Variants in RPL17 observed in about 807,000 individuals in gnomAD.
The protein encoded by RPL17 is large ribosomal subunit protein uL22.
RPL17 carries 2 observed loss-of-function variants against 27.7 expected under a neutral mutation model. The observed-to-expected ratio is 0.07, with a 90% CI of 0.03 to 0.23. The LOEUF (loss-of-function observed/expected upper bound fraction) is 0.23. RPL17 is among the 10% of genes least tolerant of loss of function. The probability of loss-of-function intolerance (pLI) is 1.00; values close to 1 mark genes in which losing one functional copy is unlikely to be tolerated. For synonymous variants in RPL17, 76 were observed against 75.5 expected (o/e 1.01, Z -0.03); for missense variants, 141 against 238.8 (o/e 0.59, Z 2.70).
At chr18:49,488,924 C>T (rs902032960) in intron 6 of RPL17, among the ~76,000 whole-genome samples, 4 of 149,412 alleles carry the variant, frequency 2.7e-5, no homozygotes, top group African/African-American at 2.5e-5. Context: ...TTTGAGACAG[C>T]GTCTCGCTCT....
At chr18:49,491,608 C>A (rs964317866) in intron 1 of RPL17, 24 bp from the exon 2 acceptor site, 19 of 1,613,056 alleles carry the variant, frequency 1.2e-5, no homozygotes, top group Non-Finnish European at 1.6e-5. Flanking sequence ...CAGTGTAATT[C>A]TGTCAATACG....
chr18:49,489,292 G>T, intron 6 of RPL17, 67 bp downstream of exon 6: 1 of 1,546,750 alleles, frequency 6.5e-7, no homozygotes, highest in South Asian at 1.1e-5. Flanking sequence ...GGTGTCCTAA[G>T]ATAGTCATCA....
intron 3 of RPL17, 62 bp downstream of exon 3, chr18:49,491,343 T>C (rs920531730): frequency 6.2e-7 from 1 of 1,612,624 alleles, no homozygotes; most frequent in African/African-American, 1.3e-5. Context: ...AAGTCATCAC[T>C]GCAGCTACCT....
intron 6 of RPL17, 54 bp downstream of exon 6, chr18:49,489,305 G>T: frequency 6.3e-7 from 1 of 1,591,458 alleles, no homozygotes; most frequent in Non-Finnish European, 8.6e-7. Context: ...AGTCATCACA[G>T]CAACCACAAA....
chr18:49,489,734 C>T (rs867575449), intron 5 of RPL17, among the ~76,000 whole-genome samples, 184 bp from the exon 6 acceptor site: 4 of 152,160 alleles, frequency 2.6e-5, no homozygotes, highest in Admixed American at 2.0e-4. Context: ...CTGCCTTCAC[C>T]TTTACATGTC....
chr18:49,489,351 T>G lies in RPL17; in HGVS notation c.507+8A>C. The G allele has an allele frequency of 6.2e-7, 1 of 1,613,844 alleles. No homozygotes were observed. Among genetic ancestry groups the G allele is most frequent in the African/African-American group, 1.3e-5 (1 of 75,046 alleles). On this transcript the variant is annotated splice_region_variant and intron_variant, in intron 6 of 6. Coordinates refer to ENST00000580261, the MANE Select transcript of RPL17 (RefSeq NM_001035006.5). ...ATCACAAACAAAACCGAGCAACTACTTATTTACCTTTTTCTTCTGGGCAAC... is the reference window on the plus strand; with the variant it reads ...ATCACAAACAAAACCGAGCAACTACGTATTTACCTTTTTCTTCTGGGCAAC...
chr18:49,491,218 C>T, intron 3 of RPL17, 187 bp downstream of exon 3: 1 of 1,030,334 alleles, frequency 9.7e-7, no homozygotes, highest in Non-Finnish European at 1.5e-6. Context: ...TTTTCTGGTA[C>T]TACTTCTCAA....
At position 49,489,567 on chromosome 18, in the gene RPL17, G is replaced by T. The variant is rs759837993; in HGVS notation, c.316-17C>A. ...ATCTAAACCCTGGGGAAGAAAGGAA[G>T]GAGAATGAAACCAGGAACATCCTTA... On this transcript the variant is annotated splice_polypyrimidine_tract_variant and intron_variant, in intron 5 of 6. Coordinates refer to ENST00000580261, the MANE Select transcript of RPL17 (RefSeq NM_001035006.5). The T allele has an allele frequency of 1.3e-6, 2 of 1,598,716 alleles. No individual in the cohort carries two copies. The highest frequency in any genetic ancestry group is 1.7e-6 in the Non-Finnish European group (2 of 1,179,056).
chr18:49,491,316 C>A (rs182901102), intron 3 of RPL17, 89 bp downstream of exon 3: 1 of 1,583,014 alleles, frequency 6.3e-7, no homozygotes, highest in Non-Finnish European at 8.7e-7. Context: ...CACGGTAAAT[C>A]CAAAGGTGTC....
In RPL17 at chr18:49,489,518, A is replaced by G. The variant is rs910541449; in HGVS notation, c.348T>C (p.His116=). The part of the protein sequence containing the change: ...GLDVDSLVIE[H]IQVNKAPKMR... Reference sequence around the variant, plus strand: ...TCTTAGGTGCTTTGTTCACTTGGATATGCTCAATGACCAGAGAATCTACAT... The same window carrying G: ...TCTTAGGTGCTTTGTTCACTTGGATGTGCTCAATGACCAGAGAATCTACAT... The change falls in exon 6 of 7, where the codon CAT becomes CAC. Residue 116 remains histidine, a synonymous_variant. Coordinates refer to ENST00000580261, the MANE Select transcript of RPL17 (RefSeq NM_001035006.5). The G allele has an allele frequency of 3.7e-6, 6 of 1,600,902 alleles. No homozygotes were observed. In the Admixed American group the frequency reaches 5.0e-5, roughly 13 times the overall value.
At chr18:49,489,269 T>G in intron 6 of RPL17, 90 bp downstream of exon 6, 1 of 1,414,402 alleles carries the variant, frequency 7.1e-7, no homozygotes, top group Non-Finnish European at 9.8e-7. Flanking sequence ...TTTTCTTTCA[T>G]AGTTATTCCA....
chr18:49,491,851 G>A (rs1029890158), intron 1 of RPL17: 1 of 629,190 alleles, frequency 1.6e-6, no homozygotes, highest in African/African-American at 1.8e-5. Context: ...AGAAAATACA[G>A]CCTGTTTCAA....
In RPL17 at chr18:49,490,510, T is replaced by C. The variant is rs11537627; in HGVS notation, c.259A>G (p.Ser87Gly). 1 of 1,614,008 alleles carries C rather than the reference T, an allele frequency of 6.2e-7. No individual in the cohort carries two copies. The change falls in exon 5 of 7, where the codon AGT becomes GGT. Residue 87 changes from serine to glycine, a missense_variant. This residue lies in a region of RPL17 where 107 missense variants were observed against 150.1 expected (regional missense o/e 0.71). Transcript: ENST00000580261. ...AGCATGTGCAGCAAAAATTCAGCAC[T>C]CTTTTTGGGCCACCGACCTTGTGTC... The part of the protein sequence containing the change: ...GWTQGRWPKK[S>G]AEFLLHMLKN...
In RPL17 at chr18:49,488,483, C is replaced by A. The variant is rs778147252; in HGVS notation, c.*36G>T. 8.3e-7 allele frequency: 1 copy of A among 1,197,792 alleles called. No individual in the cohort carries two copies. The highest frequency in any genetic ancestry group is 1.7e-5 in the Admixed American group (1 of 59,002). The allele number at this position is 1,197,792 out of a possible 1,614,324, so 74.2% of individuals were successfully genotyped here. ...TTCACTAATAAAGACAACCAACATT[C>A]TTTTCCTTTTAATTACATTTATTTT... On this transcript the variant is annotated 3_prime_UTR_variant, in exon 7 of 7. Coordinates refer to ENST00000580261, the MANE Select transcript of RPL17 (RefSeq NM_001035006.5).
At chr18:49,490,208 A>G in intron 5 of RPL17, 1 of 426,826 alleles carries the variant, frequency 2.3e-6, no homozygotes. Context: ...GCAGAAAACT[A>G]GAAATACTAA....
At position 49,489,380 on chromosome 18, in the gene RPL17, C is replaced by T. The variant is rs2083893861; in HGVS notation, c.486G>A (p.Glu162=). The change falls in exon 6 of 7, where the codon GAG becomes GAA. Residue 162 remains glutamate, a synonymous_variant. Coordinates refer to ENST00000580261, the MANE Select transcript of RPL17 (RefSeq NM_001035006.5). Reference sequence around the variant, plus strand: ...TTACCTTTTTCTTCTGGGCAACCTCCTCTTCTGGTTTAGGAACAATCTGTT... The same window carrying T: ...TTACCTTTTTCTTCTGGGCAACCTCTTCTTCTGGTTTAGGAACAATCTGTT... ...EKEQIVPKPE[E]EVAQKKKISQ... 6.2e-7 allele frequency: 1 copy of T among 1,613,648 alleles called. No individual in the cohort carries two copies. Among genetic ancestry groups the T allele is most frequent in the Admixed American group, 1.7e-5 (1 of 59,972 alleles).
intron 5 of RPL17, among the ~76,000 whole-genome samples, chr18:49,490,063 C>T (rs565988515): frequency 6.6e-6 from 1 of 152,280 alleles, no homozygotes; most frequent in African/African-American, 2.4e-5. Context: ...CATGACTCTC[C>T]ATTATGAAGG....
At position 49,490,446 on chromosome 18, in the gene RPL17, T is replaced by A; in HGVS notation, c.315+8A>T. Reference sequence around the variant, plus strand: ...CCAAGTTGCACAGGATGTTAGTGGTTTGGGTACCTTAAGTTCAGCATTACT... The same window carrying A: ...CCAAGTTGCACAGGATGTTAGTGGTATGGGTACCTTAAGTTCAGCATTACT... On this transcript the variant is annotated splice_region_variant and intron_variant, in intron 5 of 6. Transcript: ENST00000580261. 2 of 1,613,898 alleles carry A rather than the reference T, an allele frequency of 1.2e-6. No homozygotes were observed. The highest frequency in any genetic ancestry group is 1.7e-6 in the Non-Finnish European group (2 of 1,179,824).
At chr18:49,491,331 G>A in intron 3 of RPL17, 74 bp downstream of exon 3, 1 of 1,606,902 alleles carries the variant, frequency 6.2e-7, no homozygotes, top group African/African-American at 1.3e-5. Context: ...GGTGTCCTAA[G>A]AAAGTCATCA....
Sources: allele counts gnomAD v4.1 joint callset (sites outside exome capture counted in the v4.1 genomes callset), GRCh38; gene constraint gnomAD v4.1.1; regional missense constraint gnomAD v4.1.1; transcripts MANE v1.5; gene names NCBI Gene and HGNC (gene_info 2026-07-23, HGNC 2026-07-21).